GPC5: variants seen among roughly 807,000 people sequenced by gnomAD.
GPC5 encodes glypican-5.
GPC5 carries 47 observed loss-of-function variants against 53.9 expected under a neutral mutation model. The observed-to-expected ratio is 0.87, with a 90% CI of 0.69 to 1.11. The LOEUF is 1.11. GPC5 is among the 50% of genes most tolerant of loss of function. GPC5 has a pLI of 0.00. For missense variants in GPC5, 748 were observed against 713.1 expected (o/e 1.05, Z -0.56); for synonymous variants, 286 against 263.3 (o/e 1.09, Z -0.84).
chr13:92,016,986 T>C (rs2040713501), intron 6 of GPC5, among the ~76,000 whole-genome samples: 1 of 152,176 alleles, frequency 6.6e-6, no homozygotes, highest in African/African-American at 2.4e-5. Flanking sequence ...CTCCACTACA[T>C]TTCTTTTGAC....
chr13:91,823,369 CT>C (rs1174614218), intron 5 of GPC5, among the ~76,000 whole-genome samples: 1 of 152,126 alleles, frequency 6.6e-6, no homozygotes, highest in South Asian at 2.1e-4. Flanking sequence ...AACAAAATGT[CT>C]TTTTTTGTTT....
chr13:91,572,243 GTA>G (rs757639351), intron 2 of GPC5, among the ~76,000 whole-genome samples: 11 of 140,704 alleles, frequency 7.8e-5, no homozygotes, highest in Non-Finnish European at 1.2e-4. Context: ...ATATACATGT[GTA>G]TATATATACA....
At chr13:91,695,596 C>T (rs866962525) in intron 3 of GPC5, among the ~76,000 whole-genome samples, 2 of 151,958 alleles carry the variant, frequency 1.3e-5, no homozygotes, top group Non-Finnish European at 1.5e-5. Flanking sequence ...AGGATGGTCT[C>T]GTTCTCCTGA....
chr13:92,312,816 T>C (rs1299415878), intron 7 of GPC5, among the ~76,000 whole-genome samples: 1 of 152,204 alleles, frequency 6.6e-6, no homozygotes, highest in Non-Finnish European at 1.5e-5. Flanking sequence ...TTTTGAAATT[T>C]TTTTCCAGTT....
chr13:91,854,405 C>T (rs2352186), intron 5 of GPC5, among the ~76,000 whole-genome samples: 29,149 of 151,554 alleles, frequency 0.19, 3,084 homozygotes, highest in East Asian at 0.31. Flanking sequence ...TCCAATTAAA[C>T]TCTTAGTTAT....
intron 7 of GPC5, among the ~76,000 whole-genome samples, chr13:92,842,525 T>C (rs2138834946): frequency 6.6e-6 from 1 of 152,022 alleles, no homozygotes; most frequent in South Asian, 2.1e-4. Flanking sequence ...GGCATACAAA[T>C]AACATTTAAA....
At chr13:91,843,633 A>G (rs1021370917) in intron 5 of GPC5, among the ~76,000 whole-genome samples, 1 of 152,166 alleles carries the variant, frequency 6.6e-6, no homozygotes, top group Non-Finnish European at 1.5e-5. Flanking sequence ...AAGCTCTTAA[A>G]TAGGGGGGTC....
intron 7 of GPC5, among the ~76,000 whole-genome samples, chr13:92,347,980 G>T (rs2043441132): frequency 1.4e-5 from 1 of 71,202 alleles, no homozygotes. Context: ...AAATTATTAG[G>T]ACAAAAAATT....
At chr13:92,170,582 G>A (rs998146312) in intron 7 of GPC5, among the ~76,000 whole-genome samples, 1 of 151,190 alleles carries the variant, frequency 6.6e-6, no homozygotes, top group Non-Finnish European at 1.5e-5. Flanking sequence ...ACTCAGCCAC[G>A]CCCAGCTAAT....
chr13:91,994,313 G>C (rs2040484406), intron 6 of GPC5, among the ~76,000 whole-genome samples: 1 of 152,124 alleles, frequency 6.6e-6, no homozygotes, highest in Admixed American at 6.6e-5. Flanking sequence ...CCATAATTGT[G>C]CCTGACACGT....
chr13:92,181,572 G>A (rs1380592112), intron 7 of GPC5, among the ~76,000 whole-genome samples: 2 of 152,196 alleles, frequency 1.3e-5, no homozygotes, highest in Non-Finnish European at 2.9e-5. Flanking sequence ...ATGTGCACAT[G>A]TGGATTGTGT....
chr13:92,262,990 C>T (rs548618820), intron 7 of GPC5, among the ~76,000 whole-genome samples: 2 of 152,044 alleles, frequency 1.3e-5, no homozygotes, highest in Non-Finnish European at 2.9e-5. Context: ...TAGCACGGAC[C>T]GAATATTTTA....
At chr13:92,467,585 C>T (rs1878747152) in intron 7 of GPC5, among the ~76,000 whole-genome samples, 1 of 152,000 alleles carries the variant, frequency 6.6e-6, no homozygotes, top group Non-Finnish European at 1.5e-5. Context: ...GATGTAGGTA[C>T]TATTGTTATC....
chr13:92,654,796 T>C (rs989570187), intron 7 of GPC5, among the ~76,000 whole-genome samples: 2 of 152,010 alleles, frequency 1.3e-5, no homozygotes, highest in Non-Finnish European at 2.9e-5. Flanking sequence ...CCAAATTTCA[T>C]TTCTACCTGG....
intron 7 of GPC5, among the ~76,000 whole-genome samples, chr13:92,357,713 A>AT (rs1257352875): frequency 6.6e-6 from 1 of 151,632 alleles, no homozygotes; most frequent in Non-Finnish European, 1.5e-5. Flanking sequence ...AAGGAGGCAC[A>AT]TGGCCAGAGC....
chr13:91,741,775 T>C (rs761604831), intron 4 of GPC5, among the ~76,000 whole-genome samples: 21 of 152,314 alleles, frequency 1.4e-4, no homozygotes, highest in Non-Finnish European at 3.1e-4. Context: ...TGAGATATAC[T>C]GGACTTAATG....
At chr13:92,354,990 T>TAATATTA (rs143379814) in intron 7 of GPC5, among the ~76,000 whole-genome samples, 1 of 150,178 alleles carries the variant, frequency 6.7e-6, no homozygotes, top group African/African-American at 2.5e-5. Context: ...CTTTAATATA[T>TAATATTA]AATTTAATAT....
At chr13:91,749,477 C>T (rs553611755) in intron 4 of GPC5, among the ~76,000 whole-genome samples, 15 of 152,042 alleles carry the variant, frequency 9.9e-5, no homozygotes, top group Non-Finnish European at 2.1e-4. Flanking sequence ...AATAGTGCTG[C>T]GATAAACATA....
intron 7 of GPC5, among the ~76,000 whole-genome samples, chr13:92,336,411 C>G (rs1282584637): frequency 2.0e-5 from 3 of 151,812 alleles, no homozygotes; most frequent in Admixed American, 1.3e-4. Flanking sequence ...TTGTATGAGG[C>G]CAAAAATATG....
Sources: gnomAD v4.1 joint callset for allele counts (sites outside exome capture counted in the v4.1 genomes callset) on GRCh38, gnomAD v4.1.1 for gene constraint, MANE v1.5 for transcripts, NCBI Gene and HGNC (gene_info 2026-07-23, HGNC 2026-07-21) for gene names.